PCNX2: variants seen among roughly 807,000 people sequenced by gnomAD.
The protein encoded by PCNX2 is pecanex-like protein 2.
In PCNX2, 168 loss-of-function variants were observed where a neutral mutation model predicts 223.8. The observed-to-expected ratio is 0.75, with a 90% confidence interval of 0.66 to 0.85. The LOEUF (loss-of-function observed/expected upper bound fraction) is 0.85. PCNX2 is among the 40% of genes least tolerant of loss of function. The probability of loss-of-function intolerance (pLI) is 0.00; values close to 1 mark genes in which losing one functional copy is unlikely to be tolerated. For missense variants in PCNX2, 2,507 were observed against 2,675.5 expected, an observed-to-expected ratio of 0.94 and a Z score of 1.39; for synonymous variants, 1,006 against 1,052.6, an observed-to-expected ratio of 0.96 and a Z score of 0.86.
intron 21 of PCNX2, among the ~76,000 whole-genome samples, chr1:233,127,969 G>A (rs996096837): frequency 6.6e-6 from 1 of 152,130 alleles, no homozygotes; most frequent in Non-Finnish European, 1.5e-5. Flanking sequence ...TTTAAAAAGT[G>A]GCTCAATTTT....
chr1:233,318,541 C>G, the PCNX2 span, among the ~76,000 whole-genome samples: 6 of 147,754 alleles, frequency 4.1e-5, no homozygotes, highest in Non-Finnish European at 7.5e-5. Context: ...CACTCCCCCA[C>G]CATCTTTTTC....
intron 21 of PCNX2, among the ~76,000 whole-genome samples, chr1:233,117,748 C>T (rs935644272): frequency 5.3e-5 from 8 of 151,756 alleles, no homozygotes; most frequent in African/African-American, 1.9e-4. Flanking sequence ...CGGTGGCTCA[C>T]GCCTGTAATC....
At chr1:233,111,511 C>T (rs543397630) in intron 21 of PCNX2, among the ~76,000 whole-genome samples, 5 of 152,064 alleles carry the variant, frequency 3.3e-5, no homozygotes, top group Admixed American at 6.6e-5. Flanking sequence ...CAGGTTCAAG[C>T]GATCATCCCA....
chr1:233,273,830 G>A (rs1395606328), intron 1 of PCNX2, among the ~76,000 whole-genome samples: 3 of 151,928 alleles, frequency 2.0e-5, no homozygotes, highest in Non-Finnish European at 4.4e-5. Context: ...TCACCATGTT[G>A]GCCAGGCTGG....
intron 10 of PCNX2, among the ~76,000 whole-genome samples, chr1:233,222,238 G>A (rs946079035): frequency 1.3e-5 from 2 of 152,180 alleles, no homozygotes; most frequent in Admixed American, 6.6e-5. Context: ...AAAGTCCACA[G>A]GGATAGTGGG....
At chr1:232,986,964 T>C (rs1669513906) in intron 32 of PCNX2, among the ~76,000 whole-genome samples, 2 of 152,228 alleles carry the variant, frequency 1.3e-5, no homozygotes, top group Admixed American at 6.5e-5. Context: ...GCTCAGGACC[T>C]TGGTTCCCAT....
At chr1:233,077,697 CCTA>C (rs1275469969) in intron 23 of PCNX2, among the ~76,000 whole-genome samples, 2 of 151,992 alleles carry the variant, frequency 1.3e-5, no homozygotes, top group Non-Finnish European at 2.9e-5. Context: ...TAGAAAGCAC[CCTA>C]CTAAGATATT....
chr1:232,986,677 G>T, intron 32 of PCNX2, 137 bp from the exon 33 acceptor site: 1 of 811,906 alleles, frequency 1.2e-6, no homozygotes, highest in Non-Finnish European at 1.8e-6. Context: ...TGGGACAAGA[G>T]CTGGAAGCCT....
intron 25 of PCNX2, among the ~76,000 whole-genome samples, chr1:233,041,415 T>TGGGTCACAGTCAAAATGCGGGTG (rs1455850306): frequency 1.3e-5 from 2 of 152,168 alleles, no homozygotes; most frequent in Non-Finnish European, 2.9e-5. Context: ...CCTCTTGTGA[T>TGGGTCACAGTCAAAATGCGGGTG]GGGTCACAGT....
In PCNX2 at chr1:233,258,333, C is replaced by G. The variant is rs751910814; in HGVS notation, c.1529G>C (p.Gly510Ala). The stretch of plus-strand genomic sequence containing the variant: ...AGACGATGGGTCAAGGTTAGTCTGG[C>G]CTTCCTTCCCCACCTTAGACTCGGA... ...TGSESKVGKEGQTNLDPSSCK... is the reference protein window; with the variant it reads ...TGSESKVGKEAQTNLDPSSCK... Residue 510 changes from glycine (G) to alanine (A), a missense_variant, in exon 5 of 34, where the codon GGC becomes GCC. Physicochemically the swap from Gly to Ala is moderately conservative, Grantham distance 60 (BLOSUM62 0). Around this residue, in one of 3 missense-constraint regions of PCNX2, gnomAD observed 1,031 missense variants for 1,021.7 expected, o/e 1.01. Coordinates refer to ENST00000258229, the MANE Select transcript of PCNX2 (RefSeq NM_014801.4). 3.1e-6 allele frequency: 5 copies of G among 1,613,910 alleles called. No homozygotes were observed. The African/African-American group carries it at 6.7e-5, about 22-fold the overall frequency.
At chr1:233,218,933 C>T (rs1017782459) in intron 10 of PCNX2, among the ~76,000 whole-genome samples, 12 of 151,978 alleles carry the variant, frequency 7.9e-5, no homozygotes, top group African/African-American at 2.9e-4. Context: ...TTTTGGTGTC[C>T]GAGTTTACTG....
rs550388342 is a variant in PCNX2, at chr1:233,126,430, A to T, written c.3837+8583T>A. On this transcript the variant is annotated intron_variant, in intron 21 of 33. Coordinates refer to ENST00000258229, the MANE Select transcript of PCNX2 (RefSeq NM_014801.4). The surrounding 1 kb of genome is among the most constrained non-coding windows in gnomAD (Gnocchi z 4.8). ...TGCACTGTCATGGAAAAGTCTTCTA[A>T]CACATATTTTAAGCAAAAATGGAGG... is the stretch of plus-strand genomic sequence containing the variant. Among the ~76,000 whole-genome samples, 28 of 151,768 alleles carry T rather than the reference A, an allele frequency of 1.8e-4. 1 individual carries two copies. The South Asian group carries it at 3.7e-3, about 20-fold the overall frequency.
chr1:233,243,114 C>T (rs1658875773), intron 8 of PCNX2, among the ~76,000 whole-genome samples: 3 of 152,182 alleles, frequency 2.0e-5, no homozygotes, highest in Admixed American at 1.3e-4. Context: ...ACAGTGGGGC[C>T]AAGGAGAGAA....
Position 233,295,559 on chromosome 1 carries a change from A to G in PCNX2, c.-81T>C. 7.7e-7 allele frequency: 1 copy of G among 1,295,766 alleles called. No individual in the cohort carries two copies. Among genetic ancestry groups the G allele is most frequent in the Non-Finnish European group, 9.8e-7 (1 of 1,017,740 alleles). The allele number at this position is 1,295,766 out of a possible 1,614,324, so 80.3% of individuals were successfully genotyped here. A position where few individuals can be genotyped will look rare whatever the true frequency, so the allele number is the denominator to read the frequency against. On this transcript the variant is annotated 5_prime_UTR_variant, in exon 1 of 34. Coordinates refer to ENST00000258229, the MANE Select transcript of PCNX2 (RefSeq NM_014801.4). The surrounding 1 kb of genome is among the most constrained non-coding windows in gnomAD (Gnocchi z 4.1). ...GGATCTCCAGGCTCCCTCAGGTCTA[A>G]CACCCGGGCCCGCGGGCCGCGCCCC...
chr1:233,042,695 G>A (rs563418206), intron 25 of PCNX2, among the ~76,000 whole-genome samples: 1 of 152,266 alleles, frequency 6.6e-6, no homozygotes, highest in African/African-American at 2.4e-5. Context: ...TCACACTAAG[G>A]CTCTAAGGAA....
chr1:233,242,916 T>A (rs1658863279), intron 8 of PCNX2, among the ~76,000 whole-genome samples: 1 of 152,234 alleles, frequency 6.6e-6, no homozygotes. Flanking sequence ...TCTGGCAGTT[T>A]TTCCTACTAG....
At chr1:233,309,717 A>G in the PCNX2 span, among the ~76,000 whole-genome samples, 1 of 151,848 alleles carries the variant, frequency 6.6e-6, no homozygotes, top group South Asian at 2.1e-4. Flanking sequence ...GTTTCTACTA[A>G]AAATACAGAA....
At chr1:233,263,517 A>G (rs12121610) in intron 1 of PCNX2, among the ~76,000 whole-genome samples, 44,543 of 148,218 alleles carry the variant, frequency 0.3, 6,857 homozygotes, top group South Asian at 0.45. Context: ...GTGCAGTGGC[A>G]AGATCTCGGC....
intron 1 of PCNX2, among the ~76,000 whole-genome samples, chr1:233,289,814 C>T (rs1661656174): frequency 6.6e-6 from 1 of 151,862 alleles, no homozygotes; most frequent in African/African-American, 2.4e-5. Context: ...GGCAACGTGC[C>T]AAGCAGTTCA....
Sources: allele counts gnomAD v4.1 joint callset (sites outside exome capture counted in the v4.1 genomes callset), GRCh38; gene constraint gnomAD v4.1.1; regional missense constraint gnomAD v4.1.1; non-coding constraint Gnocchi (gnomAD v3.1); transcripts MANE v1.5; gene names NCBI Gene and HGNC (gene_info 2026-07-23, HGNC 2026-07-21).